Variants in TAFA2 observed in about 807,000 individuals in gnomAD.
TAFA2 encodes TAFA chemokine like family member 2.
In TAFA2, 7 loss-of-function variants were observed where a neutral mutation model predicts 18.8. That is an observed-to-expected ratio of 0.37 (90% CI 0.21 to 0.70). The LOEUF (loss-of-function observed/expected upper bound fraction) is 0.70, where lower values mean the gene tolerates loss of function less well. TAFA2 is among the 30% of genes least tolerant of loss of function. TAFA2 has a pLI of 0.53. For synonymous variants in TAFA2, 60 were observed against 54.2 expected (o/e 1.11, Z -0.47); for missense variants, 122 against 158.1 (o/e 0.77, Z 1.23).
intron 1 of TAFA2, among the ~76,000 whole-genome samples, chr12:62,137,193 T>C (rs1479335706): frequency 6.6e-6 from 1 of 152,162 alleles, no homozygotes; most frequent in Admixed American, 6.6e-5. Flanking sequence ...CGATTCTTCC[T>C]GAAGAGTCAA....
At chr12:62,010,392 G>C (rs190260917) in intron 1 of TAFA2, among the ~76,000 whole-genome samples, 1 of 152,066 alleles carries the variant, frequency 6.6e-6, no homozygotes, top group Non-Finnish European at 1.5e-5. Flanking sequence ...TCCTGACCTC[G>C]AGTGGTCTGC....
rs1289036783 is a variant in TAFA2 at position 61,879,702 on chromosome 12, AGC to A, written c.-1-12278_-1-12277del. Reference sequence around the variant, plus strand: ...CTGGAGGCCAAGTGGAGCCTCCTGCAGCAGCAGAAGATGGCTCAGAGCAACAT... The same window carrying A: ...CTGGAGGCCAAGTGGAGCCTCCTGCAAGCAGAAGATGGCTCAGAGCAACAT... On this transcript the variant is annotated intron_variant, in intron 1 of 4. Coordinates refer to ENST00000416284, the MANE Select transcript of TAFA2 (RefSeq NM_178539.5). The A allele has an allele frequency of 3.6e-6, 4 of 1,121,928 alleles. No homozygotes were observed. The African/African-American group carries it at 6.1e-5, about 17-fold the overall frequency. The allele number at this position is 1,121,928 out of a possible 1,614,324, so 69.5% of individuals were successfully genotyped here. A position where few individuals can be genotyped will look rare whatever the true frequency, so the allele number is the denominator to read the frequency against.
At chr12:61,813,089 A>G (rs912655363) in intron 2 of TAFA2, among the ~76,000 whole-genome samples, 1 of 151,448 alleles carries the variant, frequency 6.6e-6, no homozygotes, top group African/African-American at 2.5e-5. Context: ...CATTCCATCA[A>G]TTGGCTAGAT....
chr12:62,080,859 C>T (rs1167318902), intron 1 of TAFA2, among the ~76,000 whole-genome samples: 1 of 149,456 alleles, frequency 6.7e-6, no homozygotes, highest in East Asian at 1.9e-4. Context: ...TAAAAAGTAG[C>T]CTCCTAAACC....
At chr12:62,113,543 T>C (rs1195043228) in intron 1 of TAFA2, among the ~76,000 whole-genome samples, 1 of 152,200 alleles carries the variant, frequency 6.6e-6, no homozygotes, top group Non-Finnish European at 1.5e-5. Flanking sequence ...TCCACTGCTC[T>C]TCTGAGCCAG....
intron 1 of TAFA2, among the ~76,000 whole-genome samples, chr12:62,134,116 T>A (rs1327675410): frequency 1.3e-5 from 2 of 151,812 alleles, no homozygotes; most frequent in African/African-American, 4.8e-5. Flanking sequence ...TATGCTTGGA[T>A]TTTTCTGGTC....
intron 2 of TAFA2, among the ~76,000 whole-genome samples, chr12:61,821,166 A>ACACACACAT (rs1313957044): frequency 8.3e-6 from 1 of 120,572 alleles, no homozygotes; most frequent in Non-Finnish European, 1.8e-5. Flanking sequence ...CACACACACA[A>ACACACACAT]TTATTTGGAG....
At chr12:62,220,938 T>A (rs185004857) in intron 1 of TAFA2, among the ~76,000 whole-genome samples, 4 of 151,868 alleles carry the variant, frequency 2.6e-5, no homozygotes, top group Admixed American at 1.3e-4. Flanking sequence ...AAACCCCATC[T>A]CTACTAAAAA....
intron 1 of TAFA2, among the ~76,000 whole-genome samples, chr12:62,182,878 T>G (rs2062560970): frequency 6.6e-6 from 1 of 152,248 alleles, no homozygotes; most frequent in Non-Finnish European, 1.5e-5. Context: ...TAAATAAGAA[T>G]GACTAAGAAG....
chr12:61,938,227 T>C (rs529297471), intron 1 of TAFA2, among the ~76,000 whole-genome samples: 4 of 84,414 alleles, frequency 4.7e-5, no homozygotes, highest in East Asian at 3.4e-4. Flanking sequence ...ACAATAGATA[T>C]GGTAAAAAAA....
intron 1 of TAFA2, among the ~76,000 whole-genome samples, chr12:61,868,550 T>C (rs2121222696): frequency 6.6e-6 from 1 of 152,244 alleles, no homozygotes; most frequent in Non-Finnish European, 1.5e-5. Flanking sequence ...CTTTTCCTCT[T>C]GTATTTTCTA....
intron 2 of TAFA2, among the ~76,000 whole-genome samples, chr12:61,780,179 A>C (rs751054644): frequency 1.4e-4 from 22 of 151,850 alleles, no homozygotes; most frequent in Non-Finnish European, 2.8e-4. Flanking sequence ...AAGAGCACAC[A>C]GGTAGTGAAG....
At chr12:61,864,291 A>G (rs1874248123) in intron 2 of TAFA2, among the ~76,000 whole-genome samples, 1 of 151,584 alleles carries the variant, frequency 6.6e-6, no homozygotes, top group South Asian at 2.1e-4. Context: ...ACCAGGAGGA[A>G]AACATAAAAT....
chr12:61,846,156 T>G (rs1421586571), intron 2 of TAFA2, among the ~76,000 whole-genome samples: 1 of 152,172 alleles, frequency 6.6e-6, no homozygotes, highest in Non-Finnish European at 1.5e-5. Context: ...AAATAGGGAT[T>G]CTAGAACTGA....
intron 1 of TAFA2, among the ~76,000 whole-genome samples, chr12:62,013,538 A>T (rs1395243010): frequency 6.6e-6 from 1 of 152,168 alleles, no homozygotes; most frequent in African/African-American, 2.4e-5. Flanking sequence ...TAAACACTAC[A>T]CACATCATCA....
intron 1 of TAFA2, among the ~76,000 whole-genome samples, chr12:62,172,798 C>T (rs2062487249): frequency 6.6e-6 from 1 of 152,086 alleles, no homozygotes; most frequent in African/African-American, 2.4e-5. Flanking sequence ...ATGCTAGTAA[C>T]CTTGATAAAT....
intron 1 of TAFA2, among the ~76,000 whole-genome samples, chr12:62,168,715 T>C (rs1245209355): frequency 6.6e-6 from 1 of 152,054 alleles, no homozygotes; most frequent in Non-Finnish European, 1.5e-5. Flanking sequence ...CGTGCACCTG[T>C]GGTCCCAAGT....
intron 2 of TAFA2, among the ~76,000 whole-genome samples, chr12:61,808,736 C>A (rs1429384720): frequency 1.3e-5 from 2 of 151,290 alleles, no homozygotes; most frequent in Non-Finnish European, 2.9e-5. Flanking sequence ...AGATGGGTTA[C>A]AGAAGGGAAA....
At chr12:61,789,951 A>T (rs890966083) in intron 2 of TAFA2, among the ~76,000 whole-genome samples, 1 of 151,862 alleles carries the variant, frequency 6.6e-6, no homozygotes, top group African/African-American at 2.4e-5. Flanking sequence ...GTGAACATAG[A>T]TGCAAAAAAT....
Sources: allele counts gnomAD v4.1 joint callset (sites outside exome capture counted in the v4.1 genomes callset), GRCh38; gene constraint gnomAD v4.1.1; transcripts MANE v1.5; gene names NCBI Gene and HGNC (gene_info 2026-07-23, HGNC 2026-07-21).